Variants in STARD13 observed in about 807,000 individuals in gnomAD.
STARD13 encodes the protein StAR related lipid transfer domain containing 13.
In STARD13, 62 loss-of-function variants were observed where a neutral mutation model predicts 106.4. The ratio of observed to expected loss-of-function variants is 0.58; its 90% CI spans 0.48 to 0.72. The LOEUF (loss-of-function observed/expected upper bound fraction) is 0.72, where lower values mean the gene tolerates loss of function less well. STARD13 is among the 30% of genes least tolerant of loss of function. STARD13 has a pLI of 0.00. For missense variants in STARD13, 1,387 were observed against 1,424.0 expected, an observed-to-expected ratio of 0.97 and a Z score of 0.42; for synonymous variants, 565 against 553.0, an observed-to-expected ratio of 1.02 and a Z score of -0.31.
At chr13:33,458,899 C>T in the STARD13 span, among the ~76,000 whole-genome samples, 1 of 147,954 alleles carries the variant, frequency 6.8e-6, no homozygotes, top group East Asian at 2.0e-4. Context: ...GGGCTTACTG[C>T]AACCTCTGCC....
At chr13:33,559,229 A>T in the STARD13 span, among the ~76,000 whole-genome samples, 1 of 151,638 alleles carries the variant, frequency 6.6e-6, no homozygotes, top group Non-Finnish European at 1.5e-5. Context: ...AACCTGCTAC[A>T]TTTATTTATA....
At chr13:33,239,310 T>G (rs1288655880) in intron 1 of STARD13, among the ~76,000 whole-genome samples, 1 of 152,240 alleles carries the variant, frequency 6.6e-6, no homozygotes, top group Non-Finnish European at 1.5e-5. Context: ...TTTTACCTCT[T>G]GGCTAGTGTG....
chr13:33,169,460 C>T (rs910676735), intron 1 of STARD13, among the ~76,000 whole-genome samples: 1 of 152,140 alleles, frequency 6.6e-6, no homozygotes, highest in Non-Finnish European at 1.5e-5. Flanking sequence ...TAAAGTGCTG[C>T]CTAATAGATT....
the STARD13 span, among the ~76,000 whole-genome samples, chr13:33,513,497 T>C: frequency 1.3e-5 from 2 of 152,184 alleles, no homozygotes; most frequent in African/African-American, 4.8e-5. Flanking sequence ...TTCTTCCTCC[T>C]CATAGTATGA....
At chr13:33,179,641 T>TGCAAG (rs1885036606) in intron 1 of STARD13, among the ~76,000 whole-genome samples, 1 of 152,164 alleles carries the variant, frequency 6.6e-6, no homozygotes, top group Admixed American at 6.5e-5. Flanking sequence ...TGAAGGTGAA[T>TGCAAG]GCAAGGCTGT....
the STARD13 span, among the ~76,000 whole-genome samples, chr13:33,451,132 T>C: frequency 6.6e-6 from 1 of 152,122 alleles, no homozygotes; most frequent in Admixed American, 6.6e-5. Flanking sequence ...CTTCCACCTC[T>C]ATCTCCTAAA....
the STARD13 span, among the ~76,000 whole-genome samples, chr13:33,541,498 G>C: frequency 2.6e-5 from 4 of 152,296 alleles, no homozygotes; most frequent in South Asian, 8.3e-4. Context: ...CGTCACAGCA[G>C]CGTTTTTTCC....
At chr13:33,622,024 C>T in the STARD13 span, among the ~76,000 whole-genome samples, 2 of 151,728 alleles carry the variant, frequency 1.3e-5, no homozygotes, top group Non-Finnish European at 2.9e-5. Flanking sequence ...AGGCTGGTCA[C>T]GAACTCCTGA....
chr13:33,364,003 C>T, the STARD13 span, among the ~76,000 whole-genome samples: 356 of 152,206 alleles, frequency 2.3e-3, 1 homozygote, highest in African/African-American at 8.0e-3. Context: ...TTGATTAAAT[C>T]ACCATGAATG....
chr13:33,214,308 C>A (rs1887900270), intron 1 of STARD13, among the ~76,000 whole-genome samples: 1 of 152,190 alleles, frequency 6.6e-6, no homozygotes, highest in South Asian at 2.1e-4. Context: ...AACTTAAAAA[C>A]CAAACTTGGA....
intron 7 of STARD13, among the ~76,000 whole-genome samples, chr13:33,118,604 C>G (rs1218922711): frequency 6.6e-6 from 1 of 152,176 alleles, no homozygotes; most frequent in Non-Finnish European, 1.5e-5. Context: ...GTGTATCAGG[C>G]ATGCTTAGAG....
At chr13:33,459,257 C>T in the STARD13 span, among the ~76,000 whole-genome samples, 20 of 152,190 alleles carry the variant, frequency 1.3e-4, no homozygotes, top group African/African-American at 4.8e-4. Flanking sequence ...TCTTTCTTTC[C>T]CTCCCACCTC....
intron 7 of STARD13, among the ~76,000 whole-genome samples, chr13:33,124,946 C>T (rs1461092850): frequency 6.6e-6 from 1 of 152,180 alleles, no homozygotes; most frequent in African/African-American, 2.4e-5. Context: ...TCTGCGATGA[C>T]ATACAAATAT....
intron 1 of STARD13, among the ~76,000 whole-genome samples, chr13:33,193,140 A>G (rs966962934): frequency 6.6e-6 from 1 of 152,224 alleles, no homozygotes; most frequent in African/African-American, 2.4e-5. Context: ...TGAAGAAAGG[A>G]CAAACAATTC....
the STARD13 span, among the ~76,000 whole-genome samples, chr13:33,595,681 G>T: frequency 6.6e-6 from 1 of 152,062 alleles, no homozygotes; most frequent in Non-Finnish European, 1.5e-5. Context: ...TTCACTCAGG[G>T]GAACCAAATA....
intron 1 of STARD13, among the ~76,000 whole-genome samples, chr13:33,176,249 G>T (rs1053165734): frequency 1.3e-5 from 2 of 152,130 alleles, no homozygotes; most frequent in African/African-American, 4.8e-5. Flanking sequence ...ATGAAAACTT[G>T]ATATTGTATG....
intron 1 of STARD13, among the ~76,000 whole-genome samples, chr13:33,250,189 G>T (rs1890028702): frequency 6.6e-6 from 1 of 152,098 alleles, no homozygotes. Context: ...AAAAAAATCT[G>T]GAAAATAATT....
At chr13:33,641,469 G>A in the STARD13 span, among the ~76,000 whole-genome samples, 1 of 152,174 alleles carries the variant, frequency 6.6e-6, no homozygotes, top group African/African-American at 2.4e-5. Context: ...CTAGCTCTGG[G>A]AATGAGAGTT....
intron 4 of STARD13, among the ~76,000 whole-genome samples, chr13:33,138,005 C>A (rs1879285427): frequency 6.6e-6 from 1 of 152,248 alleles, no homozygotes; most frequent in African/African-American, 2.4e-5. Flanking sequence ...CCAGGAGGTG[C>A]TGGCTGCAAG....
Sources: allele counts gnomAD v4.1 joint callset (sites outside exome capture counted in the v4.1 genomes callset), GRCh38; gene constraint gnomAD v4.1.1; transcripts MANE v1.5; gene names NCBI Gene and HGNC (gene_info 2026-07-23, HGNC 2026-07-21).